The following TRPM3 variants were observed in gnomAD, a reference collection of about 807,000 sequenced individuals.
TRPM3 encodes the protein long transient receptor potential channel 3.
A neutral mutation model predicts 181.2 loss-of-function variants in TRPM3; 77 were observed. That is an observed-to-expected ratio of 0.42 (90% CI 0.35 to 0.51). The LOEUF (loss-of-function observed/expected upper bound fraction) is 0.51. Ranked by LOEUF, TRPM3 falls within the 20% of genes least tolerant of loss-of-function variation. The probability of loss-of-function intolerance (pLI) is 0.01; values close to 1 mark genes in which losing one functional copy is unlikely to be tolerated. For missense variants in TRPM3, 1,759 were observed against 2,196.7 expected (o/e 0.80, Z 3.98); for synonymous variants, 745 against 796.4 (o/e 0.94, Z 1.09).
chr9:70,915,464 ATTTTTTTT>A (rs766229481), intron 1 of TRPM3, among the ~76,000 whole-genome samples: 1 of 141,598 alleles, frequency 7.1e-6, no homozygotes, highest in African/African-American at 2.6e-5. Flanking sequence ...TGCCCGGCTA[ATTTTTTTT>A]TTTTTTTTAT....
At chr9:71,287,791 G>C (rs2085426715) in intron 1 of TRPM3, among the ~76,000 whole-genome samples, 1 of 152,152 alleles carries the variant, frequency 6.6e-6, no homozygotes, top group Non-Finnish European at 1.5e-5. Flanking sequence ...AATAAATGAG[G>C]AAATGGTAAT....
intron 7 of TRPM3, chr9:70,775,787 ATTT>A (rs201081750): frequency 2.0e-5 from 3 of 148,866 alleles, no homozygotes; most frequent in South Asian, 2.1e-4. Context: ...CAATTGTGAG[ATTT>A]TTTTTTTTGT....
intron 1 of TRPM3, among the ~76,000 whole-genome samples, chr9:71,063,310 GT>G (rs1168063583): frequency 6.6e-6 from 1 of 152,106 alleles, no homozygotes; most frequent in Non-Finnish European, 1.5e-5. Context: ...GCTGAGTACA[GT>G]TAGAATTCTT....
chr9:70,646,694 G>A (rs2058906152), intron 9 of TRPM3, among the ~76,000 whole-genome samples: 1 of 151,958 alleles, frequency 6.6e-6, no homozygotes, highest in South Asian at 2.1e-4. Context: ...TTCTGCACAT[G>A]TATCCCAGAA....
intron 1 of TRPM3, among the ~76,000 whole-genome samples, chr9:71,127,873 T>A (rs183980056): frequency 1.3e-5 from 2 of 152,306 alleles, no homozygotes; most frequent in East Asian, 3.9e-4. Context: ...AAACTGGGGA[T>A]AATAATATTA....
At chr9:71,352,454 A>G (rs1432486656) in intron 1 of TRPM3, among the ~76,000 whole-genome samples, 1 of 152,092 alleles carries the variant, frequency 6.6e-6, no homozygotes, top group East Asian at 1.9e-4. Context: ...TTCTCTGTTT[A>G]TGTTCTTTTA....
At chr9:71,398,691 G>A (rs1295170723) in intron 1 of TRPM3, among the ~76,000 whole-genome samples, 1 of 152,172 alleles carries the variant, frequency 6.6e-6, no homozygotes, top group African/African-American at 2.4e-5. Context: ...TTCTGGAACT[G>A]TGAGTCAATT....
intron 1 of TRPM3, among the ~76,000 whole-genome samples, chr9:71,234,116 C>A (rs1166870393): frequency 6.6e-6 from 1 of 152,190 alleles, no homozygotes; most frequent in Non-Finnish European, 1.5e-5. Flanking sequence ...AGGGACAGTG[C>A]CTACTCCTAG....
intron 1 of TRPM3, among the ~76,000 whole-genome samples, chr9:71,057,961 C>T (rs1288337013): frequency 6.6e-6 from 1 of 151,962 alleles, no homozygotes; most frequent in Non-Finnish European, 1.5e-5. Context: ...TAAGAATATG[C>T]ATTAAAATAC....
chr9:70,901,099 A>C (rs1445052180), intron 1 of TRPM3, among the ~76,000 whole-genome samples: 1 of 152,196 alleles, frequency 6.6e-6, no homozygotes. Context: ...GATAGCCTAA[A>C]ATGAAAGTGA....
chr9:70,836,981 GT>G (rs1363802821), intron 5 of TRPM3, among the ~76,000 whole-genome samples: 2 of 152,198 alleles, frequency 1.3e-5, no homozygotes, highest in Admixed American at 1.3e-4. Context: ...GTAAGTGAAT[GT>G]GACTAAGGCA....
chr9:70,755,468 T>A (rs2076910026), intron 8 of TRPM3, among the ~76,000 whole-genome samples: 1 of 151,962 alleles, frequency 6.6e-6, no homozygotes, highest in Non-Finnish European at 1.5e-5. Flanking sequence ...CCTCCCAGGT[T>A]CAAGCAATTC....
chr9:70,603,366 G>T lies in TRPM3; in HGVS notation c.2772C>A (p.Thr924=), dbSNP rs2060438857. The change falls in exon 20 of 26, where the codon ACC becomes ACA. Residue 924 remains threonine (T), a synonymous_variant. Transcript: ENST00000677713. ...CCTCTCTCATCTTTTCTATTCCCAG[G>T]GTGAAAATATAGGAGATTACGATCC... is the stretch of plus-strand genomic sequence containing the variant. ...QEWIVISYIF[T]LGIEKMREIL... 6.2e-7 allele frequency: 1 copy of T among 1,613,452 alleles called. No individual in the cohort carries two copies. The highest frequency in any genetic ancestry group is 8.5e-7 in the Non-Finnish European group (1 of 1,179,766).
intron 17 of TRPM3, among the ~76,000 whole-genome samples, chr9:70,618,464 T>G (rs1476634687): frequency 1.3e-5 from 2 of 152,212 alleles, no homozygotes; most frequent in African/African-American, 2.4e-5. Flanking sequence ...TAAGAGCCAA[T>G]GTCTCTATGA....
intron 1 of TRPM3, among the ~76,000 whole-genome samples, chr9:71,100,189 T>C (rs1401027213): frequency 6.6e-6 from 1 of 152,192 alleles, no homozygotes; most frequent in Non-Finnish European, 1.5e-5. Context: ...TAACAAGTAA[T>C]TTAATAAATA....
intron 1 of TRPM3, among the ~76,000 whole-genome samples, chr9:71,085,744 G>A (rs183201864): frequency 1.2e-3 from 187 of 152,150 alleles, no homozygotes; most frequent in Middle Eastern, 3.4e-3. Flanking sequence ...ATACACTGTT[G>A]ATGCAAATGT....
chr9:70,575,109 ATTTTTT>A (rs55876205), intron 22 of TRPM3, among the ~76,000 whole-genome samples: 179 of 134,356 alleles, frequency 1.3e-3, no homozygotes, highest in African/African-American at 4.9e-3. Context: ...ATCCCGCATA[ATTTTTT>A]TTTTTTTTTT....
intron 22 of TRPM3, among the ~76,000 whole-genome samples, chr9:70,583,878 T>C (rs2056546874): frequency 6.6e-6 from 1 of 152,168 alleles, no homozygotes; most frequent in African/African-American, 2.4e-5. Context: ...TCATCTCCTA[T>C]TCCTACAATG....
At chr9:70,689,249 G>A (rs999082057) in intron 8 of TRPM3, among the ~76,000 whole-genome samples, 1 of 151,804 alleles carries the variant, frequency 6.6e-6, no homozygotes, top group African/African-American at 2.4e-5. Context: ...TTTGGGGGGT[G>A]GTAATTGCAT....
Sources: gnomAD v4.1 joint callset for allele counts (sites outside exome capture counted in the v4.1 genomes callset) on GRCh38, gnomAD v4.1.1 for gene constraint, MANE v1.5 for transcripts, NCBI Gene and HGNC (gene_info 2026-07-23, HGNC 2026-07-21) for gene names.